Variants in MADD observed in about 807,000 individuals in gnomAD.
The protein encoded by MADD is MAP kinase-activating death domain protein.
In MADD, 109 loss-of-function variants were observed where a neutral mutation model predicts 176.7. The ratio of observed to expected loss-of-function variants is 0.62; its 90% CI spans 0.53 to 0.72. The LOEUF (loss-of-function observed/expected upper bound fraction) is 0.72. Among genes scored for constraint, MADD ranks in the 30% least tolerant of loss-of-function variants. MADD has a pLI of 0.00. For missense variants in MADD, 1,914 were observed against 2,045.5 expected, an observed-to-expected ratio of 0.94 and a Z score of 1.24; for synonymous variants, 771 against 771.3, an observed-to-expected ratio of 1.00 and a Z score of 0.01.
chr11:47,324,000 T>TA (rs1391418853), intron 28 of MADD, 165 bp downstream of exon 31: 1 of 732,096 alleles, frequency 1.4e-6, no homozygotes, highest in Non-Finnish European at 2.2e-6. Context: ...CAACTAGGCC[T>TA]AATAGTAGTC....
At chr11:47,295,784 T>G in intron 21 of MADD, 113 bp from the exon 24 acceptor site, 1 of 1,525,080 alleles carries the variant, frequency 6.6e-7, no homozygotes, top group East Asian at 2.3e-5. Context: ...AGAGGCTATC[T>G]GACACACTTT....
chr11:47,320,759 A>G (rs1387514893), intron 27 of MADD, among the ~76,000 whole-genome samples: 1 of 151,982 alleles, frequency 6.6e-6, no homozygotes, highest in Non-Finnish European at 1.5e-5. Flanking sequence ...CCGTCTCCAC[A>G]AAAAATTTTA....
intron 32 of MADD, 93 bp downstream of exon 36, chr11:47,328,797 AG>A: frequency 6.5e-7 from 1 of 1,530,362 alleles, no homozygotes. Flanking sequence ...CTGAGCGCAC[AG>A]GGGTGAGTGG....
chr11:47,276,638 A>G (rs2050187307), intron 4 of MADD, 94 bp from the exon 5 acceptor site: 6 of 1,487,690 alleles, frequency 4.0e-6, no homozygotes, highest in Non-Finnish European at 5.5e-6. Context: ...TGTAGGCTCG[A>G]TGAAGTGGAA....
chr11:47,320,178 T>C (rs10838691), intron 27 of MADD, among the ~76,000 whole-genome samples: 60,850 of 151,162 alleles, frequency 0.4, 13,268 homozygotes, highest in East Asian at 0.69. Flanking sequence ...TTACTCATGC[T>C]GGGTGTGGTG....
At chr11:47,324,422 G>A in intron 29 of MADD, 49 bp from the exon 33 acceptor site, 1 of 1,599,908 alleles carries the variant, frequency 6.3e-7, no homozygotes, top group South Asian at 1.1e-5. Context: ...AGTCAGGGGT[G>A]GGATTCCCCA....
intron 1 of MADD, among the ~76,000 whole-genome samples, chr11:47,272,522 A>C (rs898835621): frequency 3.3e-5 from 5 of 152,146 alleles, no homozygotes; most frequent in African/African-American, 7.2e-5. Context: ...TGTGCATTGA[A>C]CAAGGTCTTA....
At chr11:47,284,958 G>A (rs536352790) in exon 13 of MADD, 46 of 1,613,790 alleles carry the variant, frequency 2.9e-5, no homozygotes, top group Admixed American at 1.3e-4. Flanking sequence ...CTGACTCTAC[G>A]GAGATGGATG....
At position 47,306,141 on chromosome 11, in the gene MADD, T is replaced by G. The variant is rs554264756; in HGVS notation, c.3643-2450T>G. Among the ~76,000 whole-genome samples, 37 of 152,150 alleles carry G rather than the reference T, an allele frequency of 2.4e-4. No individual in the cohort carries two copies. In the South Asian group the frequency reaches 7.7e-3, roughly 32 times the overall value. On this transcript the variant is annotated intron_variant, in intron 22 of 32. Transcript: ENST00000402192. ...CTGCTCTGAGCAGTCTAAGTACTGT[T>G]TTCATAGTGGATAGGGTACTGCTTC... is the stretch of plus-strand genomic sequence containing the variant.
In MADD at chr11:47,325,696, G is replaced by T. The variant is rs535240114; in HGVS notation, c.4543-1042G>T. Among the ~76,000 whole-genome samples, 1 of 152,350 alleles carries T rather than the reference G, an allele frequency of 6.6e-6. No homozygotes were observed. Among genetic ancestry groups the T allele is most frequent in the South Asian group, 2.1e-4 (1 of 4,826 alleles). On this transcript the variant is annotated intron_variant, in intron 30 of 32. Coordinates refer to ENST00000402192, the Ensembl canonical transcript of MADD. This position sits in a 1 kb window ranked among gnomAD's most constrained non-coding sequence, Gnocchi z 4.5. ...CCTAAGTGCTTTTCTGGACCACAAAGGTGTCAGTACTTCTTGGGGAGCAGA... is the reference window on the plus strand; with the variant it reads ...CCTAAGTGCTTTTCTGGACCACAAATGTGTCAGTACTTCTTGGGGAGCAGA...
At chr11:47,309,530 A>T (rs2086190795) in exon 25 of MADD, 13 of 1,614,170 alleles carry the variant, frequency 8.1e-6, no homozygotes, top group Non-Finnish European at 1.0e-5. Context: ...GGAGAACATG[A>T]CCGGAAGCGC....
At chr11:47,272,590 C>G (rs2045686990) in intron 1 of MADD, among the ~76,000 whole-genome samples, 1 of 152,176 alleles carries the variant, frequency 6.6e-6, no homozygotes. Flanking sequence ...GAGAAAAGAA[C>G]TTCTACTCAT....
chr11:47,276,715 T>A lies in MADD; in HGVS notation c.964-17T>A. ...TTTTATGTTTTGGAGTGATTCTTAC[T>A]GGATGGCTCATGACAGGTGGTGCTA... is the stretch of plus-strand genomic sequence containing the variant. On this transcript the variant is annotated splice_polypyrimidine_tract_variant and intron_variant, in intron 4 of 32. Transcript: ENST00000402192. The A allele has an allele frequency of 6.2e-7, 1 of 1,613,346 alleles. No individual in the cohort carries two copies. Among genetic ancestry groups the A allele is most frequent in the Non-Finnish European group, 8.5e-7 (1 of 1,179,576 alleles).
chr11:47,276,034 G>A, exon 4 of MADD: 1 of 1,614,196 alleles, frequency 6.2e-7, no homozygotes, highest in South Asian at 1.1e-5. Context: ...CTGGGCAGAA[G>A]CGAGTAGACA....
At chr11:47,296,682 C>A (rs1429758096) in intron 22 of MADD, among the ~76,000 whole-genome samples, 1 of 151,990 alleles carries the variant, frequency 6.6e-6, no homozygotes, top group African/African-American at 2.4e-5. Flanking sequence ...AAAGAACTTC[C>A]CTAGATCACA....
rs1011980861 is a variant in MADD at position 47,295,800 on chromosome 11, T to C, written c.3484-97T>C. ...GAGGCTATCTGACACACTTTTGAAATTTAATACTTTTTTATGGTGGCAGGG... is the reference window on the plus strand; with the variant it reads ...GAGGCTATCTGACACACTTTTGAAACTTAATACTTTTTTATGGTGGCAGGG... On this transcript the variant is annotated intron_variant, in intron 21 of 32. Transcript: ENST00000402192. 3 of 1,528,102 alleles carry C rather than the reference T, an allele frequency of 2.0e-6. No homozygotes were observed. The African/African-American group carries it at 4.2e-5, about 21-fold the overall frequency. The allele number at this position is 1,528,102 out of a possible 1,614,324, so 94.7% of individuals were successfully genotyped here.
chr11:47,328,571 A>C, intron 31 of MADD, 87 bp from the exon 36 acceptor site: 1 of 1,588,882 alleles, frequency 6.3e-7, no homozygotes, highest in East Asian at 2.3e-5. Context: ...GGGGACCCTG[A>C]CGCCGGGCGC....
intron 1 of MADD, among the ~76,000 whole-genome samples, chr11:47,272,587 G>T (rs931144039): frequency 1.3e-5 from 2 of 152,180 alleles, no homozygotes; most frequent in African/African-American, 4.8e-5. Flanking sequence ...TATGAGAAAA[G>T]AACTTCTACT....
intron 22 of MADD, among the ~76,000 whole-genome samples, chr11:47,303,131 G>A (rs889498574): frequency 2.6e-5 from 4 of 151,454 alleles, no homozygotes; most frequent in Admixed American, 6.6e-5. Context: ...TTCTTGCAGC[G>A]CTTTGAATAT....
Sources: allele counts gnomAD v4.1 joint callset (sites outside exome capture counted in the v4.1 genomes callset), GRCh38; gene constraint gnomAD v4.1.1; non-coding constraint Gnocchi (gnomAD v3.1); transcripts MANE v1.5; gene names NCBI Gene and HGNC (gene_info 2026-07-23, HGNC 2026-07-21).